The following LRP1B variants were observed in gnomAD, a reference collection of about 807,000 sequenced individuals.
The protein encoded by LRP1B is LDL receptor related protein 1B.
Under a neutral mutation model 556.6 loss-of-function variants are expected in LRP1B, and 217 were observed. That is an observed-to-expected ratio of 0.39 (90% CI 0.35 to 0.44). The LOEUF is 0.44. LRP1B is among the 20% of genes least tolerant of loss of function. The probability of loss-of-function intolerance (pLI) is 1.00; values close to 1 mark genes in which losing one functional copy is unlikely to be tolerated. For missense variants in LRP1B, 5,053 were observed against 5,620.8 expected (o/e 0.90, Z 3.23); for synonymous variants, 2,047 against 1,865.8 (o/e 1.10, Z -2.50).
chr2:141,404,988 A>G (rs35731029), intron 3 of LRP1B, among the ~76,000 whole-genome samples: 3,835 of 152,102 alleles, frequency 0.025, 186 homozygotes, highest in African/African-American at 0.087. Context: ...GCTACTCGGG[A>G]GGCTGAGGCA....
rs4662370 is a variant in LRP1B, at chr2:142,055,040, T to A, written c.82+75608A>T. Among the ~76,000 whole-genome samples the A allele has an allele frequency of 3.9e-5, 6 of 152,004 alleles. No homozygotes were observed. In the East Asian group the frequency reaches 7.8e-4, roughly 20 times the overall value. ...AAACATCATTCATTCCGTCTTTGCC[T>A]CACCAAATATACATTATGCTGCTTG... On this transcript the variant is annotated intron_variant, in intron 1 of 90. Coordinates refer to ENST00000389484, the MANE Select transcript of LRP1B (RefSeq NM_018557.3).
At chr2:141,826,313 A>T in intron 1 of LRP1B, among the ~76,000 whole-genome samples, 1 of 150,202 alleles carries the variant, frequency 6.7e-6, no homozygotes, top group Non-Finnish European at 1.5e-5. Context: ...TTTAATAAGG[A>T]TATGATAGAC....
chr2:141,201,938 T>C (rs770586002), intron 6 of LRP1B, among the ~76,000 whole-genome samples: 3 of 152,314 alleles, frequency 2.0e-5, no homozygotes, highest in South Asian at 2.1e-4. Context: ...CATGTTTCCA[T>C]TGACAAACAT....
chr2:141,055,461 TAA>T (rs1699153954), intron 9 of LRP1B, among the ~76,000 whole-genome samples: 1 of 151,782 alleles, frequency 6.6e-6, no homozygotes, highest in Non-Finnish European at 1.5e-5. Context: ...AAAATCCTCC[TAA>T]GTGAGCATTT....
intron 63 of LRP1B, among the ~76,000 whole-genome samples, chr2:140,449,951 T>C (rs1686817916): frequency 6.6e-6 from 1 of 152,126 alleles, no homozygotes; most frequent in Admixed American, 6.6e-5. Context: ...TCTGCTGATG[T>C]CCCATTACAA....
chr2:140,940,140 T>G (rs549432836), intron 20 of LRP1B, among the ~76,000 whole-genome samples: 1 of 152,088 alleles, frequency 6.6e-6, no homozygotes, highest in African/African-American at 2.4e-5. Context: ...CTGCTTCAGC[T>G]TCCCAAAATG....
intron 2 of LRP1B, among the ~76,000 whole-genome samples, chr2:141,516,690 CTCTTTTT>C (rs1684323525): frequency 2.7e-5 from 1 of 37,674 alleles, no homozygotes; most frequent in Admixed American, 4.1e-4. Context: ...GTCTCTCTCT[CTCTTTTT>C]TTTTTTTTTT....
At chr2:141,839,736 T>TA (rs1697402474) in intron 1 of LRP1B, among the ~76,000 whole-genome samples, 1 of 152,164 alleles carries the variant, frequency 6.6e-6, no homozygotes, top group Non-Finnish European at 1.5e-5. Context: ...AATGAGACTC[T>TA]ATAGATACTA....
At chr2:140,235,445 A>G (rs1369664697) in intron 89 of LRP1B, among the ~76,000 whole-genome samples, 4 of 151,228 alleles carry the variant, frequency 2.6e-5, no homozygotes, top group South Asian at 4.1e-4. Context: ...TATAAAATTC[A>G]TATGATTATT....
chr2:141,607,758 A>G (rs531754222), intron 2 of LRP1B, among the ~76,000 whole-genome samples: 1 of 152,160 alleles, frequency 6.6e-6, no homozygotes, highest in South Asian at 2.1e-4. Context: ...CCTCATCCGT[A>G]CTAAAAATAA....
chr2:142,112,389 T>C (rs1707032434), intron 1 of LRP1B, among the ~76,000 whole-genome samples: 2 of 151,708 alleles, frequency 1.3e-5, no homozygotes, highest in Non-Finnish European at 2.9e-5. Context: ...AACAACCAAA[T>C]ATAATGTGTG....
intron 19 of LRP1B, among the ~76,000 whole-genome samples, chr2:140,950,956 A>G (rs949666703): frequency 1.3e-5 from 2 of 152,144 alleles, no homozygotes; most frequent in African/African-American, 4.8e-5. Flanking sequence ...ACTGAGAGAA[A>G]AAAATCCTTG....
At chr2:141,049,902 G>GC (rs1294037526) in intron 10 of LRP1B, among the ~76,000 whole-genome samples, 2 of 151,814 alleles carry the variant, frequency 1.3e-5, no homozygotes, top group African/African-American at 4.8e-5. Context: ...AAAACCCCAA[G>GC]CAAAAAACTG....
chr2:141,819,319 C>T (rs1326453298), intron 1 of LRP1B, among the ~76,000 whole-genome samples: 1 of 152,052 alleles, frequency 6.6e-6, no homozygotes, highest in Non-Finnish European at 1.5e-5. Context: ...GATCCACAAC[C>T]GTCTACTCAA....
At chr2:140,854,795 A>G (rs1692564458) in intron 27 of LRP1B, among the ~76,000 whole-genome samples, 1 of 152,196 alleles carries the variant, frequency 6.6e-6, no homozygotes, top group Admixed American at 6.5e-5. Context: ...TATAATATGT[A>G]CCTATTATAA....
At chr2:141,500,239 G>A (rs1017603086) in intron 2 of LRP1B, among the ~76,000 whole-genome samples, 1 of 152,030 alleles carries the variant, frequency 6.6e-6, no homozygotes, top group African/African-American at 2.4e-5. Context: ...TACCATCCCT[G>A]TAAGCCCAAA....
In LRP1B at chr2:141,143,014, C is replaced by T. The variant is rs578079173; in HGVS notation, c.1013+45407G>A. Among the ~76,000 whole-genome samples the T allele has an allele frequency of 1.1e-4, 16 of 150,736 alleles. No homozygotes were observed. The East Asian group carries it at 2.7e-3, about 26-fold the overall frequency. On this transcript the variant is annotated intron_variant, in intron 7 of 90. Transcript: ENST00000389484. Reference sequence around the variant, plus strand: ...CGCGATCTCGGCTCACTGCAACCTCCGCCTTCCAGGTTCAAACGATTCTCC... The same window carrying T: ...CGCGATCTCGGCTCACTGCAACCTCTGCCTTCCAGGTTCAAACGATTCTCC...
intron 18 of LRP1B, among the ~76,000 whole-genome samples, chr2:140,966,571 T>C (rs575100816): frequency 6.6e-6 from 1 of 152,176 alleles, no homozygotes; most frequent in Non-Finnish European, 1.5e-5. Context: ...GTCAATTTTG[T>C]CTTTTGTTGC....
intron 7 of LRP1B, among the ~76,000 whole-genome samples, chr2:141,153,220 T>C (rs1202684579): frequency 5.2e-5 from 7 of 135,920 alleles, no homozygotes; most frequent in Admixed American, 8.4e-5. Context: ...AAGGCACATA[T>C]ATATATTATA....
Sources: allele counts gnomAD v4.1 joint callset (sites outside exome capture counted in the v4.1 genomes callset), GRCh38; gene constraint gnomAD v4.1.1; transcripts MANE v1.5; gene names NCBI Gene and HGNC (gene_info 2026-07-23, HGNC 2026-07-21).